Variants in YPEL2 observed in about 807,000 individuals in gnomAD.
YPEL2 encodes protein yippee-like 2.
Under a neutral mutation model 19.1 loss-of-function variants are expected in YPEL2, and 2 were observed. That is an observed-to-expected ratio of 0.10 (90% confidence interval 0.04 to 0.33). The LOEUF is 0.33. Ranked by LOEUF, YPEL2 falls within the 10% of genes least tolerant of loss-of-function variation. YPEL2 has a pLI of 1.00. For missense variants in YPEL2, 66 were observed against 140.7 expected, an observed-to-expected ratio of 0.47 and a Z score of 2.68; for synonymous variants, 52 against 50.0, an observed-to-expected ratio of 1.04 and a Z score of -0.17.
chr17:59,390,147 C>A (rs1414768791), intron 4 of YPEL2, among the ~76,000 whole-genome samples: 3 of 152,120 alleles, frequency 2.0e-5, no homozygotes, highest in Non-Finnish European at 4.4e-5. Context: ...ATTACAGGCA[C>A]GCGTCACCAT....
At chr17:59,370,992 TAG>T (rs924022485) in intron 2 of YPEL2, among the ~76,000 whole-genome samples, 1 of 152,046 alleles carries the variant, frequency 6.6e-6, no homozygotes, top group African/African-American at 2.4e-5. Flanking sequence ...CCCACCTTAC[TAG>T]AGTAGAGTTC....
chr17:59,360,148 C>T (rs935937111), intron 2 of YPEL2, among the ~76,000 whole-genome samples: 16 of 152,244 alleles, frequency 1.1e-4, no homozygotes, highest in Non-Finnish European at 2.9e-5. Flanking sequence ...ACGATCTTGG[C>T]TCACTGCAAG....
chr17:59,378,798 C>T (rs1406278592), intron 2 of YPEL2, among the ~76,000 whole-genome samples: 1 of 152,208 alleles, frequency 6.6e-6, no homozygotes, highest in Non-Finnish European at 1.5e-5. Flanking sequence ...CCTGCCCCTC[C>T]CTCCATCTGT....
intron 2 of YPEL2, among the ~76,000 whole-genome samples, chr17:59,357,202 CAAAAG>C (rs892701185): frequency 2.6e-5 from 4 of 151,918 alleles, no homozygotes; most frequent in African/African-American, 9.7e-5. Flanking sequence ...CCTTACTGTC[CAAAAG>C]AAAAGAACAA....
intron 1 of YPEL2, among the ~76,000 whole-genome samples, chr17:59,349,394 C>T (rs1218885665): frequency 2.9e-5 from 4 of 137,552 alleles, no homozygotes; most frequent in South Asian, 2.3e-4. Flanking sequence ...GACGGAGTCT[C>T]GCTCTGTCGT....
chr17:59,376,599 C>T (rs1241899597), intron 2 of YPEL2, among the ~76,000 whole-genome samples: 1 of 152,096 alleles, frequency 6.6e-6, no homozygotes, highest in African/African-American at 2.4e-5. Flanking sequence ...ATGATTATAC[C>T]CACCTGGTTT....
At chr17:59,366,748 G>T (rs1026558718) in intron 2 of YPEL2, among the ~76,000 whole-genome samples, 2 of 152,216 alleles carry the variant, frequency 1.3e-5, no homozygotes, top group African/African-American at 4.8e-5. Context: ...GGCCGTTAAG[G>T]TTCATGCCAG....
chr17:59,342,293 T>A (rs1459759183), intron 1 of YPEL2, among the ~76,000 whole-genome samples: 1 of 152,224 alleles, frequency 6.6e-6, no homozygotes, highest in Non-Finnish European at 1.5e-5. Context: ...CACATTCATG[T>A]ATTCAGCAGA....
chr17:59,339,358 C>T (rs2047716024), intron 1 of YPEL2, among the ~76,000 whole-genome samples: 1 of 152,236 alleles, frequency 6.6e-6, no homozygotes, highest in African/African-American at 2.4e-5. Flanking sequence ...TATCCCCACA[C>T]TTAACTGCAG....
chr17:59,334,182 G>C (rs750111173), intron 1 of YPEL2, among the ~76,000 whole-genome samples: 6 of 152,118 alleles, frequency 3.9e-5, no homozygotes, highest in Non-Finnish European at 7.4e-5. Context: ...GAGTAGTGCC[G>C]ATGAGTTGCG....
At chr17:59,367,879 G>A (rs1257658897) in intron 2 of YPEL2, among the ~76,000 whole-genome samples, 1 of 152,132 alleles carries the variant, frequency 6.6e-6, no homozygotes, top group Non-Finnish European at 1.5e-5. Context: ...AGACAGTGTG[G>A]GGCCCTGCTG....
At chr17:59,332,086 C>T (rs1212889886) in intron 1 of YPEL2, among the ~76,000 whole-genome samples, 1 of 152,030 alleles carries the variant, frequency 6.6e-6, no homozygotes, top group Non-Finnish European at 1.5e-5. Context: ...GGCGCGGGAC[C>T]CCCGGCCGGG....
At chr17:59,390,890 A>G (rs1371453593) in intron 4 of YPEL2, among the ~76,000 whole-genome samples, 1 of 152,240 alleles carries the variant, frequency 6.6e-6, no homozygotes, top group Non-Finnish European at 1.5e-5. Context: ...CTTAGCTTCT[A>G]TGCTAAGTTT....
intron 1 of YPEL2, among the ~76,000 whole-genome samples, chr17:59,332,693 G>A (rs139525812): frequency 1.3e-5 from 2 of 152,342 alleles, no homozygotes; most frequent in Non-Finnish European, 2.9e-5. Flanking sequence ...TTCAGTCTTA[G>A]CTGCGAGAGT....
At chr17:59,392,038 C>T (rs1485212863) in intron 4 of YPEL2, among the ~76,000 whole-genome samples, 2 of 152,122 alleles carry the variant, frequency 1.3e-5, no homozygotes, top group African/African-American at 2.4e-5. Flanking sequence ...TGTACAGTCA[C>T]GGGCCCCCTC....
chr17:59,386,731 T>A (rs1306245010), intron 2 of YPEL2, among the ~76,000 whole-genome samples: 1 of 152,164 alleles, frequency 6.6e-6, no homozygotes, highest in East Asian at 1.9e-4. Flanking sequence ...ACTTCCAGGT[T>A]CCAGGTTTTG....
intron 2 of YPEL2, among the ~76,000 whole-genome samples, chr17:59,377,930 T>TA (rs930491739): frequency 2.6e-5 from 4 of 152,204 alleles, no homozygotes; most frequent in Non-Finnish European, 5.9e-5. Flanking sequence ...ATTTGGTACT[T>TA]ACTATACACA....
chr17:59,352,315 G>A (rs749973269), intron 1 of YPEL2, among the ~76,000 whole-genome samples: 3 of 152,092 alleles, frequency 2.0e-5, no homozygotes, highest in Non-Finnish European at 4.4e-5. Context: ...CTTAGACCTC[G>A]TGGCCCTGCC....
intron 1 of YPEL2, among the ~76,000 whole-genome samples, chr17:59,349,442 C>G (rs535896374): frequency 9.0e-5 from 13 of 145,018 alleles, no homozygotes; most frequent in African/African-American, 1.3e-4. Flanking sequence ...TCAAGTGATT[C>G]ACCTGCCTCA....
Sources: gnomAD v4.1 joint callset for allele counts (sites outside exome capture counted in the v4.1 genomes callset) on GRCh38, gnomAD v4.1.1 for gene constraint, MANE v1.5 for transcripts, NCBI Gene and HGNC (gene_info 2026-07-23, HGNC 2026-07-21) for gene names.